The following ZBTB7C variants were observed in gnomAD, a reference collection of about 807,000 sequenced individuals.
ZBTB7C encodes zinc finger and BTB domain-containing protein 7C.
Under a neutral mutation model 25.7 loss-of-function variants are expected in ZBTB7C, and 8 were observed. The ratio of observed to expected loss-of-function variants is 0.31; its 90% confidence interval spans 0.18 to 0.56. The LOEUF (loss-of-function observed/expected upper bound fraction) is 0.56. Among genes scored for constraint, ZBTB7C ranks in the 20% least tolerant of loss-of-function variants. The pLI is 0.91. For missense variants in ZBTB7C, 824 were observed against 855.2 expected, an observed-to-expected ratio of 0.96 and a Z score of 0.46; for synonymous variants, 394 against 369.0, an observed-to-expected ratio of 1.07 and a Z score of -0.78.
chr18:48,252,841 G>A (rs2043907770), intron 2 of ZBTB7C: 1 of 152,236 alleles, frequency 6.6e-6, no homozygotes, highest in Non-Finnish European at 1.5e-5. Flanking sequence ...AGGTTAAGGA[G>A]GCAGTCCCTG....
At chr18:48,128,901 C>T (rs1325308066) in intron 3 of ZBTB7C, among the ~76,000 whole-genome samples, 1 of 151,996 alleles carries the variant, frequency 6.6e-6, no homozygotes, top group Non-Finnish European at 1.5e-5. Flanking sequence ...GCAGGTAAGC[C>T]CTCTCTTTCA....
chr18:48,254,555 TCTGCCTATTAAA>T (rs2043969154), intron 2 of ZBTB7C, among the ~76,000 whole-genome samples: 1 of 152,196 alleles, frequency 6.6e-6, no homozygotes, highest in Admixed American at 6.5e-5. Context: ...TCTCGTTTCT[TCTGCCTATTAAA>T]CTTTCCGCTC....
At chr18:48,306,670 C>G (rs2144769878) in intron 2 of ZBTB7C, among the ~76,000 whole-genome samples, 1 of 152,282 alleles carries the variant, frequency 6.6e-6, no homozygotes, top group African/African-American at 2.4e-5. Context: ...AAATCTCTGT[C>G]CTCTCCTCTT....
At chr18:48,191,279 T>C (rs2042188549) in intron 2 of ZBTB7C, among the ~76,000 whole-genome samples, 1 of 152,092 alleles carries the variant, frequency 6.6e-6, no homozygotes, top group South Asian at 2.1e-4. Flanking sequence ...GGTCTGTAGC[T>C]CCCAGGAGGC....
intron 2 of ZBTB7C, among the ~76,000 whole-genome samples, chr18:48,262,891 G>A (rs568809416): frequency 1.3e-5 from 2 of 152,130 alleles, no homozygotes; most frequent in East Asian, 1.9e-4. Context: ...CAGAATCTGC[G>A]AGCCAAGAGC....
At chr18:48,322,684 T>A (rs993245657) in intron 2 of ZBTB7C, among the ~76,000 whole-genome samples, 3 of 152,162 alleles carry the variant, frequency 2.0e-5, no homozygotes, top group Non-Finnish European at 2.9e-5. Context: ...ATCCAGCAAT[T>A]CCACTACTGG....
intron 2 of ZBTB7C, among the ~76,000 whole-genome samples, chr18:48,263,724 G>A (rs1033835975): frequency 6.7e-6 from 1 of 149,706 alleles, no homozygotes; most frequent in African/African-American, 2.4e-5. Flanking sequence ...GCAGAAAGGA[G>A]CCAAGGATAT....
At chr18:48,164,998 ACTT>A (rs2086817168) in intron 3 of ZBTB7C, 9 of 1,171,542 alleles carry the variant, frequency 7.7e-6, no homozygotes, top group Non-Finnish European at 9.7e-6. Flanking sequence ...GGGTTATATT[ACTT>A]CTTAGGAAAT....
chr18:48,283,285 C>T (rs549633294), intron 2 of ZBTB7C, among the ~76,000 whole-genome samples: 2 of 152,254 alleles, frequency 1.3e-5, no homozygotes, highest in African/African-American at 4.8e-5. Context: ...AAATGTACTC[C>T]TATTGTGCAG....
chr18:48,274,593 C>T (rs2144594735), intron 2 of ZBTB7C, among the ~76,000 whole-genome samples: 1 of 152,298 alleles, frequency 6.6e-6, no homozygotes, highest in East Asian at 1.9e-4. Flanking sequence ...CACACAGTAG[C>T]TCAATCCAGA....
Position 48,367,175 on chromosome 18 carries a change from T to TATATATATATATATATA in ZBTB7C, c.-303-28778_-303-28777insTATATATATATATATAT, listed in dbSNP as rs2047242433. 3.4e-4 allele frequency among the ~76,000 whole-genome samples: 21 copies of TATATATATATATATATA among 62,224 alleles called. 1 individual carries two copies. Among genetic ancestry groups the TATATATATATATATATA allele is most frequent in the African/African-American group, 1.4e-3 (19 of 13,352 alleles). The allele number at this position is 62,224 out of a possible 152,430, so 40.8% of individuals were successfully genotyped here. A position where few individuals can be genotyped will look rare whatever the true frequency, so the allele number is the denominator to read the frequency against. On this transcript the variant is annotated intron_variant, in intron 1 of 4. Coordinates refer to ENST00000590800, the MANE Select transcript of ZBTB7C (RefSeq NM_001318841.2). ...TTTCCCCTGTTCTTCTCCCCAAGTT[T>TATATATATATATATATA]TATATATATATATATATATATATAT...
At chr18:48,178,733 A>C (rs1238382624) in intron 3 of ZBTB7C, among the ~76,000 whole-genome samples, 1 of 152,178 alleles carries the variant, frequency 6.6e-6, no homozygotes, top group East Asian at 1.9e-4. Context: ...GAAAGTAAAG[A>C]CGAAGGCCTT....
At chr18:48,073,378 G>A (rs1042261966) in intron 3 of ZBTB7C, among the ~76,000 whole-genome samples, 5 of 152,156 alleles carry the variant, frequency 3.3e-5, no homozygotes, top group South Asian at 2.1e-4. Flanking sequence ...GAGCAGAGCC[G>A]CTGCCACCAG....
At chr18:48,153,147 A>G (rs2040728867) in intron 3 of ZBTB7C, among the ~76,000 whole-genome samples, 1 of 152,238 alleles carries the variant, frequency 6.6e-6, no homozygotes, top group Non-Finnish European at 1.5e-5. Context: ...CTTTGCCTTT[A>G]AAGGCATAGG....
chr18:48,325,404 T>C, intron 2 of ZBTB7C, among the ~76,000 whole-genome samples: 1 of 152,254 alleles, frequency 6.6e-6, no homozygotes, highest in Admixed American at 6.5e-5. Flanking sequence ...TTGATTCTTA[T>C]TCACTCAGAA....
chr18:48,204,994 G>C lies in ZBTB7C; in HGVS notation c.-78-18999C>G, dbSNP rs181543321. 4.7e-4 allele frequency among the ~76,000 whole-genome samples: 71 copies of C among 152,256 alleles called. 1 individual carries two copies. The highest frequency in any genetic ancestry group is 2.0e-3 in the Admixed American group (31 of 15,290). On this transcript the variant is annotated intron_variant, in intron 2 of 4. Transcript: ENST00000590800. ...TGAGAATAAAAAAGCAGCCCAGCTTGGGGGTGGAGTGGGGAGCAATCTTGA... is the reference window on the plus strand; with the variant it reads ...TGAGAATAAAAAAGCAGCCCAGCTTCGGGGTGGAGTGGGGAGCAATCTTGA...
intron 3 of ZBTB7C, among the ~76,000 whole-genome samples, chr18:48,163,401 T>TG (rs1490419133): frequency 6.6e-6 from 1 of 152,122 alleles, no homozygotes; most frequent in Non-Finnish European, 1.5e-5. Context: ...CGTAGCAATG[T>TG]GGGGGAGAAG....
At chr18:48,264,817 T>G (rs1022496215) in intron 2 of ZBTB7C, among the ~76,000 whole-genome samples, 6 of 152,198 alleles carry the variant, frequency 3.9e-5, no homozygotes, top group Non-Finnish European at 8.8e-5. Context: ...ATTTTCTACC[T>G]TCACAGGGCA....
At chr18:48,296,649 C>T (rs997671826) in intron 2 of ZBTB7C, among the ~76,000 whole-genome samples, 4 of 152,214 alleles carry the variant, frequency 2.6e-5, no homozygotes, top group Non-Finnish European at 4.4e-5. Flanking sequence ...CTCCCAATGC[C>T]GTGTCCTATG....
Sources: allele counts gnomAD v4.1 joint callset (sites outside exome capture counted in the v4.1 genomes callset), GRCh38; gene constraint gnomAD v4.1.1; transcripts MANE v1.5; gene names NCBI Gene and HGNC (gene_info 2026-07-23, HGNC 2026-07-21).